The following PIEZO2 variants were observed in gnomAD, a reference collection of about 807,000 sequenced individuals.
PIEZO2 encodes the protein piezo-type mechanosensitive ion channel component 2.
A neutral mutation model predicts 337.3 loss-of-function variants in PIEZO2; 172 were observed. The observed-to-expected ratio is 0.51, with a 90% confidence interval of 0.45 to 0.58. The LOEUF is 0.58. Ranked by LOEUF, PIEZO2 falls within the 20% of genes least tolerant of loss-of-function variation. PIEZO2 has a pLI of 0.00. For missense variants in PIEZO2, 3,028 were observed against 3,391.3 expected, an observed-to-expected ratio of 0.89 and a Z score of 2.66; for synonymous variants, 1,251 against 1,228.5, an observed-to-expected ratio of 1.02 and a Z score of -0.38.
At position 10,942,676 on chromosome 18, in the gene PIEZO2, C is replaced by T. The variant is rs1190177812; in HGVS notation, c.287-31448G>A. ...GCAATAAAAAAGAAAATCCCATTTTCTGTGGAGAAAATCAAGCCACCTGCA... is the reference window on the plus strand; with the variant it reads ...GCAATAAAAAAGAAAATCCCATTTTTTGTGGAGAAAATCAAGCCACCTGCA... On this transcript the variant is annotated intron_variant, in intron 3 of 55. Transcript: ENST00000674853. The surrounding 1 kb of genome is among the most constrained non-coding windows in gnomAD (Gnocchi z 4.4). Among the ~76,000 whole-genome samples the T allele has an allele frequency of 6.6e-6, 1 of 152,226 alleles. No homozygotes were observed. The highest frequency in any genetic ancestry group is 2.4e-5 in the African/African-American group (1 of 41,460).
At chr18:10,719,272 C>T (rs1205173627) in intron 36 of PIEZO2, among the ~76,000 whole-genome samples, 1 of 152,100 alleles carries the variant, frequency 6.6e-6, no homozygotes, top group African/African-American at 2.4e-5. Flanking sequence ...ATGGTAAAGT[C>T]TGGGATTCTG....
chr18:10,854,456 T>A lies in PIEZO2; in HGVS notation c.917+897A>T, dbSNP rs192985039. ...ACATAATAGAACATATCATTAAGGA[T>A]TGATGAATAGTAATTCTCTAATTCT... On this transcript the variant is annotated intron_variant, in intron 7 of 55. Coordinates refer to ENST00000674853, the MANE Select transcript of PIEZO2 (RefSeq NM_001378183.1). The surrounding 1 kb of genome is among the most constrained non-coding windows in gnomAD (Gnocchi z 4.6). Among the ~76,000 whole-genome samples the A allele has an allele frequency of 2.6e-4, 39 of 152,328 alleles. 1 individual carries two copies. The East Asian group carries it at 6.8e-3, about 26-fold the overall frequency.
Position 11,047,561 on chromosome 18 carries a change from T to C in PIEZO2, c.160+18566A>G, listed in dbSNP as rs979761618. Among the ~76,000 whole-genome samples, 1 of 152,180 alleles carries C rather than the reference T, an allele frequency of 6.6e-6. No homozygotes were observed. On this transcript the variant is annotated intron_variant, in intron 2 of 55. Transcript: ENST00000674853. This position sits in a 1 kb window ranked among gnomAD's most constrained non-coding sequence, Gnocchi z 7.2. ...GGCAAAGCTTGGATAAGGCAGATCC[T>C]TTTAGCAGAAAACAGTTCCCAGAAC...
At chr18:10,997,791 G>T (rs1214242051) in intron 2 of PIEZO2, among the ~76,000 whole-genome samples, 1 of 152,036 alleles carries the variant, frequency 6.6e-6, no homozygotes, top group African/African-American at 2.4e-5. Flanking sequence ...AAATAAAAAG[G>T]TCTATCATTT....
intron 5 of PIEZO2, among the ~76,000 whole-genome samples, chr18:10,858,321 C>CAAAAAAAAAAAAAAAAAAAAAAAA (rs11361243): frequency 3.5e-5 from 2 of 56,350 alleles, no homozygotes; most frequent in South Asian, 9.8e-4. Context: ...GACTTCAACC[C>CAAAAAAAAAAAAAAAAAAAAAAAA]AAAAAAAAAA....
chr18:10,849,016 CT>C (rs200983956), intron 7 of PIEZO2, among the ~76,000 whole-genome samples: 1 of 151,792 alleles, frequency 6.6e-6, no homozygotes, highest in African/African-American at 2.4e-5. Flanking sequence ...CCAAGGATTC[CT>C]TTTTTTTGAG....
intron 1 of PIEZO2, among the ~76,000 whole-genome samples, chr18:11,114,908 C>G (rs780828025): frequency 6.6e-6 from 1 of 152,128 alleles, no homozygotes; most frequent in Admixed American, 6.5e-5. Context: ...AATCAGATAA[C>G]TAACAACAGA....
chr18:10,726,790 G>A lies in PIEZO2; in HGVS notation c.5029+4617C>T. On this transcript the variant is annotated intron_variant, in intron 36 of 55. Transcript: ENST00000674853. This position sits in a 1 kb window ranked among gnomAD's most constrained non-coding sequence, Gnocchi z 5.9. ...ACTGGGCAAGGTGTCCTATGAGGAT[G>A]TGGACCACCTGCGGCCCCATGGGGT... The A allele has an allele frequency of 1.3e-6, 2 of 1,550,230 alleles. No homozygotes were observed. Among genetic ancestry groups the A allele is most frequent in the Non-Finnish European group, 1.8e-6 (2 of 1,128,058 alleles).
At position 10,673,077 on chromosome 18, in the gene PIEZO2, G is replaced by A. The variant is rs185252992; in HGVS notation, c.8162-204C>T. 3.4e-3 allele frequency among the ~76,000 whole-genome samples: 522 copies of A among 152,314 alleles called. 3 individuals are homozygous for A. Among genetic ancestry groups the A allele is most frequent in the Non-Finnish European group, 4.6e-3 (311 of 68,022 alleles). On this transcript the variant is annotated intron_variant, in intron 54 of 55. Transcript: ENST00000674853. The surrounding 1 kb of genome is among the most constrained non-coding windows in gnomAD (Gnocchi z 4.8). ...AAGTGATTTTTCCTTTTCAGTGAGA[G>A]AGGTCAGCCGCTGTTGCTACATGGG...
intron 1 of PIEZO2, among the ~76,000 whole-genome samples, chr18:11,087,551 GT>G (rs1030539926): frequency 2.6e-5 from 4 of 152,232 alleles, no homozygotes; most frequent in African/African-American, 9.6e-5. Flanking sequence ...TCAATGTCCA[GT>G]GGGAAGATCA....
At chr18:11,051,785 C>T (rs576761398) in intron 2 of PIEZO2, among the ~76,000 whole-genome samples, 3 of 152,308 alleles carry the variant, frequency 2.0e-5, no homozygotes, top group African/African-American at 7.2e-5. Context: ...TTGTTGAAAC[C>T]AACTGAAAAG....
Position 10,749,703 on chromosome 18 carries a change from G to A in PIEZO2, c.4264+388C>T, listed in dbSNP as rs368133934. ...CTTGAAGCTCTCTGAGCTTCCTGAG[G>A]ACAGGAGGAGCCTGAAGTCAGAGTT... On this transcript the variant is annotated intron_variant, in intron 29 of 55. Coordinates refer to ENST00000674853, the MANE Select transcript of PIEZO2 (RefSeq NM_001378183.1). Among the ~76,000 whole-genome samples, 15 of 152,234 alleles carry A rather than the reference G, an allele frequency of 9.9e-5. 1 individual carries two copies. The South Asian group carries it at 3.1e-3, about 32-fold the overall frequency.
intron 54 of PIEZO2, among the ~76,000 whole-genome samples, chr18:10,674,521 T>A (rs2033908147): frequency 6.6e-6 from 1 of 152,244 alleles, no homozygotes; most frequent in Non-Finnish European, 1.5e-5. Context: ...GCTTTCCAAC[T>A]CTTCACTTAT....
chr18:10,846,107 G>C lies in PIEZO2; in HGVS notation c.917+9246C>G, dbSNP rs1618793. Among the ~76,000 whole-genome samples the C allele has an allele frequency of 0.8, 121,238 of 152,110 alleles. 50,342 individuals are homozygous for C. Among genetic ancestry groups the C allele is most frequent in the Non-Finnish European group, 0.93 (62,934 of 68,016 alleles). ...CTGAAGCTTAGTATATTAGTCCATT[G>C]TCACACTGCTGAAAGTGACATACCC... On this transcript the variant is annotated intron_variant, in intron 7 of 55. Coordinates refer to ENST00000674853, the MANE Select transcript of PIEZO2 (RefSeq NM_001378183.1). This position sits in a 1 kb window ranked among gnomAD's most constrained non-coding sequence, Gnocchi z 4.1.
chr18:10,907,443 C>CAA (rs147285429), intron 4 of PIEZO2, among the ~76,000 whole-genome samples: 1 of 140,346 alleles, frequency 7.1e-6, no homozygotes, highest in Non-Finnish European at 1.5e-5. Context: ...GACTCTGTCT[C>CAA]AAAAAAAAAA....
chr18:10,684,265 A>C (rs1438749025), intron 49 of PIEZO2, among the ~76,000 whole-genome samples: 7 of 131,474 alleles, frequency 5.3e-5, no homozygotes, highest in Non-Finnish European at 9.2e-5. Flanking sequence ...TCCTGGGTTC[A>C]CGCCATTCTC....
rs2039899725 is a variant in PIEZO2, at chr18:11,116,687, C to T, written c.64+31838G>A. Among the ~76,000 whole-genome samples the T allele has an allele frequency of 1.3e-5, 2 of 151,748 alleles. No individual in the cohort carries two copies. The highest frequency in any genetic ancestry group is 4.2e-4 in the South Asian group (2 of 4,814). ...GCCGAGATCCGCCACCGCACTCCAGCCTGGGCGACAGAACGAGACTCCGTC... is the reference window on the plus strand; with the variant it reads ...GCCGAGATCCGCCACCGCACTCCAGTCTGGGCGACAGAACGAGACTCCGTC... On this transcript the variant is annotated intron_variant, in intron 1 of 55. Coordinates refer to ENST00000674853, the MANE Select transcript of PIEZO2 (RefSeq NM_001378183.1). This position sits in a 1 kb window ranked among gnomAD's most constrained non-coding sequence, Gnocchi z 5.0.
intron 1 of PIEZO2, among the ~76,000 whole-genome samples, chr18:11,142,409 C>T (rs984839788): frequency 2.6e-5 from 4 of 152,134 alleles, no homozygotes; most frequent in Admixed American, 6.5e-5. Flanking sequence ...GATTTTGCCA[C>T]GTCCTAGACA....
At chr18:11,133,858 A>T (rs1032121876) in intron 1 of PIEZO2, among the ~76,000 whole-genome samples, 1 of 151,528 alleles carries the variant, frequency 6.6e-6, no homozygotes, top group Non-Finnish European at 1.5e-5. Flanking sequence ...TACACTTAAT[A>T]AACTCCTCTC....
Sources: gnomAD v4.1 joint callset for allele counts (sites outside exome capture counted in the v4.1 genomes callset) on GRCh38, gnomAD v4.1.1 for gene constraint, Gnocchi (gnomAD v3.1) non-coding constraint, MANE v1.5 for transcripts, NCBI Gene and HGNC (gene_info 2026-07-23, HGNC 2026-07-21) for gene names.